The following CTNND2 variants were observed in gnomAD, a reference collection of about 807,000 sequenced individuals.
CTNND2 encodes the protein catenin delta-2.
A neutral mutation model predicts 144.4 loss-of-function variants in CTNND2; 22 were observed. The ratio of observed to expected loss-of-function variants is 0.15; its 90% CI spans 0.11 to 0.22. The LOEUF is 0.22. Ranked by LOEUF, CTNND2 falls within the 10% of genes least tolerant of loss-of-function variation. The probability of loss-of-function intolerance (pLI) is 1.00; values close to 1 mark genes in which losing one functional copy is unlikely to be tolerated. For missense variants in CTNND2, 1,353 were observed against 1,618.8 expected, an observed-to-expected ratio of 0.84 and a Z score of 2.82; for synonymous variants, 751 against 695.6, an observed-to-expected ratio of 1.08 and a Z score of -1.25.
chr5:11,815,862 C>T (rs1241696561), intron 1 of CTNND2, among the ~76,000 whole-genome samples: 1 of 152,142 alleles, frequency 6.6e-6, no homozygotes, highest in Non-Finnish European at 1.5e-5. Flanking sequence ...AGTGGTGGCT[C>T]TGTTCCTTCT....
chr5:11,620,922 T>C (rs144498605), intron 2 of CTNND2, among the ~76,000 whole-genome samples: 16 of 152,318 alleles, frequency 1.1e-4, no homozygotes, highest in Admixed American at 3.3e-4. Context: ...AACCTCAACA[T>C]GGCCCTGATG....
At chr5:11,590,327 G>A (rs1344086782) in intron 2 of CTNND2, among the ~76,000 whole-genome samples, 1 of 152,172 alleles carries the variant, frequency 6.6e-6, no homozygotes, top group East Asian at 1.9e-4. Flanking sequence ...ACAGGTGTGA[G>A]CCACCAGGCC....
intron 9 of CTNND2, among the ~76,000 whole-genome samples, chr5:11,305,492 T>A (rs1472358521): frequency 6.6e-6 from 1 of 152,222 alleles, no homozygotes; most frequent in Non-Finnish European, 1.5e-5. Flanking sequence ...CTCACTGATG[T>A]AGGTGGCTCT....
At chr5:11,371,714 A>G (rs1168518172) in intron 7 of CTNND2, among the ~76,000 whole-genome samples, 1 of 152,230 alleles carries the variant, frequency 6.6e-6, no homozygotes, top group African/African-American at 2.4e-5. Context: ...TTTGCAAATG[A>G]TCATTACTTT....
intron 10 of CTNND2, among the ~76,000 whole-genome samples, chr5:11,219,666 G>C (rs1237311873): frequency 6.6e-6 from 1 of 152,164 alleles, no homozygotes; most frequent in Non-Finnish European, 1.5e-5. Flanking sequence ...GAGGGGATGT[G>C]ATGTTAGAGT....
intron 7 of CTNND2, among the ~76,000 whole-genome samples, chr5:11,376,322 G>GCGTGTGTGTGTGTTCATGTATC (rs1757935306): frequency 6.8e-6 from 1 of 146,080 alleles, no homozygotes; most frequent in Admixed American, 6.7e-5. Flanking sequence ...TTGTGTGTGT[G>GCGTGTGTGTGTGTTCATGTATC]TGTGTGTGTG....
chr5:11,223,590 T>C (rs1740021970), intron 10 of CTNND2, among the ~76,000 whole-genome samples: 1 of 152,190 alleles, frequency 6.6e-6, no homozygotes, highest in Non-Finnish European at 1.5e-5. Context: ...TATCAAGAGC[T>C]GGGCCCTTGA....
Position 11,614,401 on chromosome 5 carries a change from T to C in CTNND2, c.175-49345A>G, listed in dbSNP as rs138636843. Among the ~76,000 whole-genome samples, 1,451 of 152,278 alleles carry C rather than the reference T, an allele frequency of 9.5e-3. 16 individuals carry two copies. The highest frequency in any genetic ancestry group is 0.03 in the African/African-American group (1,239 of 41,556). ...TATTTCTGCTTCATTCTACCAAGAT[T>C]AAAAACTCCAAGTGATGCAAAAAAA... On this transcript the variant is annotated intron_variant, in intron 2 of 21. Transcript: ENST00000304623.
chr5:11,830,605 T>G (rs1793847785), intron 1 of CTNND2, among the ~76,000 whole-genome samples: 1 of 152,212 alleles, frequency 6.6e-6, no homozygotes, highest in African/African-American at 2.4e-5. Context: ...AAACTCTTTT[T>G]CTTGTATAAA....
intron 6 of CTNND2, among the ~76,000 whole-genome samples, chr5:11,388,420 T>A (rs1294897788): frequency 2.0e-5 from 3 of 152,176 alleles, no homozygotes; most frequent in African/African-American, 7.2e-5. Flanking sequence ...GGAACTTCAG[T>A]ACATACTTAA....
At chr5:11,698,335 C>G (rs1186746447) in intron 2 of CTNND2, among the ~76,000 whole-genome samples, 1 of 150,164 alleles carries the variant, frequency 6.7e-6, no homozygotes, top group African/African-American at 2.5e-5. Flanking sequence ...GTCGCCCAGG[C>G]TGGAATGCAG....
chr5:11,620,824 G>A (rs987709418), intron 2 of CTNND2, among the ~76,000 whole-genome samples: 1 of 152,190 alleles, frequency 6.6e-6, no homozygotes, highest in Admixed American at 6.5e-5. Context: ...AGTGCCAGGT[G>A]ACACTTAGCC....
At chr5:11,060,640 T>C (rs1045180594) in intron 16 of CTNND2, among the ~76,000 whole-genome samples, 1 of 152,200 alleles carries the variant, frequency 6.6e-6, no homozygotes, top group Non-Finnish European at 1.5e-5. Flanking sequence ...AGTAGTGGCA[T>C]GAATAAATCT....
intron 2 of CTNND2, among the ~76,000 whole-genome samples, chr5:11,667,379 A>T (rs897656884): frequency 1.3e-5 from 2 of 152,078 alleles, no homozygotes; most frequent in African/African-American, 4.8e-5. Context: ...TTACACTCCC[A>T]ACAACAGTGT....
intron 1 of CTNND2, among the ~76,000 whole-genome samples, chr5:11,775,379 T>C (rs927647458): frequency 4.6e-5 from 7 of 152,106 alleles, no homozygotes; most frequent in African/African-American, 1.4e-4. Flanking sequence ...CATTTCCTCA[T>C]CTGTAAAATC....
chr5:11,681,034 G>A (rs1784402286), intron 2 of CTNND2, among the ~76,000 whole-genome samples: 1 of 152,106 alleles, frequency 6.6e-6, no homozygotes, highest in Non-Finnish European at 1.5e-5. Flanking sequence ...TGCCAATTTA[G>A]AGATGTCTGC....
intron 3 of CTNND2, among the ~76,000 whole-genome samples, chr5:11,499,514 G>C (rs1162971850): frequency 6.6e-6 from 1 of 152,194 alleles, no homozygotes; most frequent in Non-Finnish European, 1.5e-5. Flanking sequence ...TGTTAACATT[G>C]TGGCCACCTT....
intron 3 of CTNND2, among the ~76,000 whole-genome samples, chr5:11,480,919 C>A (rs1481671720): frequency 6.6e-6 from 1 of 152,018 alleles, no homozygotes; most frequent in Non-Finnish European, 1.5e-5. Flanking sequence ...GAGTGCCCTG[C>A]CAAGCCCTGC....
chr5:11,506,158 C>T lies in CTNND2; in HGVS notation c.287+58786G>A, dbSNP rs1005834718. Among the ~76,000 whole-genome samples, 25 of 152,088 alleles carry T rather than the reference C, an allele frequency of 1.6e-4. 1 individual carries two copies. The highest frequency in any genetic ancestry group is 5.9e-5 in the Non-Finnish European group (4 of 68,020). On this transcript the variant is annotated intron_variant, in intron 3 of 21. Transcript: ENST00000304623. ...CAACCTACACTGTTAGCCTTGACTC[C>T]TCCCCAAGCTCCAGACCTACATATT...
Sources: gnomAD v4.1 joint callset for allele counts (sites outside exome capture counted in the v4.1 genomes callset) on GRCh38, gnomAD v4.1.1 for gene constraint, MANE v1.5 for transcripts, NCBI Gene and HGNC (gene_info 2026-07-23, HGNC 2026-07-21) for gene names.